The following BET1 variants were observed in gnomAD, a reference collection of about 807,000 sequenced individuals.
BET1 encodes the protein BET1 homolog.
Under a neutral mutation model 13.9 loss-of-function variants are expected in BET1, and 9 were observed. The observed-to-expected ratio is 0.65, with a 90% CI of 0.39 to 1.13. BET1 has a LOEUF of 1.13. BET1 is among the 50% of genes most tolerant of loss of function. The pLI, the probability that BET1 is intolerant of heterozygous loss-of-function variation, is 0.01. For synonymous variants in BET1, 39 were observed against 47.3 expected, an observed-to-expected ratio of 0.82 and a Z score of 0.72; for missense variants, 127 against 133.6, an observed-to-expected ratio of 0.95 and a Z score of 0.24.
intron 4 of BET1, among the ~76,000 whole-genome samples, chr7:93,981,449 G>A (rs930109910): frequency 6.6e-5 from 10 of 152,174 alleles, no homozygotes; most frequent in African/African-American, 1.9e-4. Flanking sequence ...TCCAAGTACT[G>A]TTTTGGCCCA....
At chr7:94,000,676 G>C (rs556370129) in intron 1 of BET1, among the ~76,000 whole-genome samples, 17 of 152,186 alleles carry the variant, frequency 1.1e-4, no homozygotes, top group Admixed American at 2.0e-4. Context: ...TCTATAGTTG[G>C]AAGCTTATAA....
intron 5 of BET1, among the ~76,000 whole-genome samples, chr7:93,975,406 G>A (rs1340786937): frequency 1.3e-5 from 2 of 152,024 alleles, no homozygotes; most frequent in Admixed American, 1.3e-4. Context: ...AAGTGAAAGT[G>A]CAGACGATTT....
intron 4 of BET1, among the ~76,000 whole-genome samples, chr7:93,984,751 T>TA (rs545163152): frequency 7.2e-5 from 11 of 151,848 alleles, no homozygotes; most frequent in South Asian, 4.2e-4. Context: ...TTGCGTGATT[T>TA]AAAAAAAAGT....
chr7:93,969,050 C>G (rs530156662), intron 6 of BET1, among the ~76,000 whole-genome samples: 3 of 151,786 alleles, frequency 2.0e-5, no homozygotes, highest in Non-Finnish European at 2.9e-5. Context: ...CATAATTTAT[C>G]TAATTGGTGT....
chr7:93,993,863 A>G lies in BET1; in HGVS notation c.*367T>C. The stretch of plus-strand genomic sequence containing the variant: ...TCAAGAGCTCAGAGTCAGGCTCTCC[A>G]GGCATTCTGTTACTCTCCCACTAAG... On this transcript the variant is annotated 3_prime_UTR_variant, in exon 4 of 4. Coordinates refer to ENST00000222547, the MANE Select transcript of BET1 (RefSeq NM_005868.6). 1 of 1,535,630 alleles carries G rather than the reference A, an allele frequency of 6.5e-7. No homozygotes were observed. Among genetic ancestry groups the G allele is most frequent in the Non-Finnish European group, 8.7e-7 (1 of 1,146,714 alleles).
intron 4 of BET1, among the ~76,000 whole-genome samples, chr7:93,979,867 G>C (rs547529326): frequency 4.6e-5 from 7 of 152,182 alleles, no homozygotes; most frequent in African/African-American, 1.7e-4. Flanking sequence ...GAGCCACTGA[G>C]AAAGAACAAA....
In BET1 at chr7:94,004,350, A is replaced by G. The variant is rs889529470; in HGVS notation, c.-134T>C. 4 of 1,222,778 alleles carry G rather than the reference A, an allele frequency of 3.3e-6. No homozygotes were observed. The highest frequency in any genetic ancestry group is 1.8e-5 in the Admixed American group (1 of 54,486). 75.7% of individuals were successfully genotyped at this position (1,222,778 alleles called of 1,614,324 possible). On this transcript the variant is annotated 5_prime_UTR_variant, in exon 1 of 4. An upstream start codon of the reference 5' UTR is lost. Coordinates refer to ENST00000222547, the MANE Select transcript of BET1 (RefSeq NM_005868.6). ...ACTTCTTCCCCTAAAGCGCCACGAC[A>G]TCAGTGGAGTCTAAACACCGCGCCG...
chr7:93,997,621 T>A lies in BET1; in HGVS notation c.145-1300A>T, dbSNP rs542426915. On this transcript the variant is annotated intron_variant, in intron 2 of 3. Coordinates refer to ENST00000222547, the MANE Select transcript of BET1 (RefSeq NM_005868.6). The stretch of plus-strand genomic sequence containing the variant: ...GTCTCCAGACTGAATGTAATTCGAT[T>A]TTCCAAAGACTATATTGAAATACCA... 2.0e-5 allele frequency among the ~76,000 whole-genome samples: 3 copies of A among 152,316 alleles called. No individual in the cohort carries two copies. The South Asian group carries it at 6.2e-4, about 32-fold the overall frequency.
At chr7:93,987,545 G>T (rs974854687) in intron 4 of BET1, among the ~76,000 whole-genome samples, 1 of 152,074 alleles carries the variant, frequency 6.6e-6, no homozygotes, top group Non-Finnish European at 1.5e-5. Context: ...ATTTCTAGGT[G>T]GGGGAGAGTT....
At chr7:93,977,040 C>CTATCTA (rs1168812272) in intron 4 of BET1, among the ~76,000 whole-genome samples, 4 of 152,094 alleles carry the variant, frequency 2.6e-5, no homozygotes, top group African/African-American at 9.7e-5. Context: ...ATATCTATAT[C>CTATCTA]TATCTATATC....
intron 1 of BET1, among the ~76,000 whole-genome samples, chr7:94,002,922 G>C (rs1225537442): frequency 6.6e-6 from 1 of 152,146 alleles, no homozygotes; most frequent in Non-Finnish European, 1.5e-5. Context: ...ATCTATCTCT[G>C]AAATCTCTGA....
rs764701408 is a variant in BET1 at position 93,994,218 on chromosome 7, C to G, written c.*12G>C. 2 of 1,586,988 alleles carry G rather than the reference C, an allele frequency of 1.3e-6. No individual in the cohort carries two copies. Among genetic ancestry groups the G allele is most frequent in the South Asian group, 2.3e-5 (2 of 85,956 alleles). ...TAAGTTGGAACAAATTCCAAATTCA[C>G]AATTACATGCATCACCTCAGTTTAA... On this transcript the variant is annotated 3_prime_UTR_variant, in exon 4 of 4. Coordinates refer to ENST00000222547, the MANE Select transcript of BET1 (RefSeq NM_005868.6).
chr7:93,994,125 A>G lies in BET1; in HGVS notation c.*105T>C. The G allele has an allele frequency of 2.7e-6, 4 of 1,468,552 alleles. No individual in the cohort carries two copies. In the South Asian group the frequency reaches 5.9e-5, roughly 22 times the overall value. The allele number at this position is 1,468,552 out of a possible 1,614,324, so 91.0% of individuals were successfully genotyped here. Reference sequence around the variant, plus strand: ...AAAATTCAGCAATTTTCAATGGAAAATGCCACAGTATTTGAACACTAGGAA... The same window carrying G: ...AAAATTCAGCAATTTTCAATGGAAAGTGCCACAGTATTTGAACACTAGGAA... On this transcript the variant is annotated 3_prime_UTR_variant, in exon 4 of 4. Coordinates refer to ENST00000222547, the MANE Select transcript of BET1 (RefSeq NM_005868.6).
chr7:93,980,793 C>T (rs760072991), intron 4 of BET1, among the ~76,000 whole-genome samples: 12 of 152,054 alleles, frequency 7.9e-5, no homozygotes, highest in African/African-American at 1.7e-4. Context: ...AATTTTTAAA[C>T]GCATCCATAT....
At chr7:93,988,715 G>A (rs1045227437), downstream of BET1, among the ~76,000 whole-genome samples, 3 of 151,910 alleles carry the variant, frequency 2.0e-5, no homozygotes, top group African/African-American at 4.8e-5. Context: ...CTGCCCATCT[G>A]CCCTTAGAAG....
chr7:94,001,188 G>C (rs771231685), intron 1 of BET1, among the ~76,000 whole-genome samples: 7 of 152,152 alleles, frequency 4.6e-5, no homozygotes, highest in Non-Finnish European at 8.8e-5. Context: ...ACTCTGTACA[G>C]TACTATAAGG....
At chr7:93,991,224 T>C (rs778541855), downstream of BET1, among the ~76,000 whole-genome samples, 10 of 152,216 alleles carry the variant, frequency 6.6e-5, no homozygotes, top group Non-Finnish European at 1.5e-4. Flanking sequence ...ATTTTATCCA[T>C]ACAAGTTGAG....
exon 5 of BET1, chr7:93,976,063 A>G (rs1795329792): frequency 7.8e-7 from 1 of 1,274,896 alleles, no homozygotes; most frequent in Admixed American, 2.3e-5. Context: ...GTAGGCTTTC[A>G]CTGCTACTGG....
intron 5 of BET1, among the ~76,000 whole-genome samples, chr7:93,973,513 T>C (rs1795291433): frequency 4.6e-5 from 7 of 151,970 alleles, no homozygotes. Flanking sequence ...GAAGGAGTTT[T>C]CATGAAATAG....
Sources: allele counts gnomAD v4.1 joint callset (sites outside exome capture counted in the v4.1 genomes callset), GRCh38; gene constraint gnomAD v4.1.1; transcripts MANE v1.5; gene names NCBI Gene and HGNC (gene_info 2026-07-23, HGNC 2026-07-21).